GPATCH8: variants seen among roughly 807,000 people sequenced by gnomAD.
The protein encoded by GPATCH8 is G patch domain-containing protein 8.
GPATCH8 carries 18 observed loss-of-function variants against 118.3 expected under a neutral mutation model. That is an observed-to-expected ratio of 0.15 (90% CI 0.11 to 0.23). The LOEUF (loss-of-function observed/expected upper bound fraction) is 0.23. Ranked by LOEUF, GPATCH8 falls within the 10% of genes least tolerant of loss-of-function variation. GPATCH8 has a pLI of 1.00. For missense variants in GPATCH8, 1,631 were observed against 1,873.8 expected (o/e 0.87, Z 2.39); for synonymous variants, 659 against 684.7 (o/e 0.96, Z 0.59).
At chr17:44,422,908 C>T (rs2049962978) in intron 6 of GPATCH8, among the ~76,000 whole-genome samples, 1 of 152,022 alleles carries the variant, frequency 6.6e-6, no homozygotes, top group Admixed American at 6.6e-5. Context: ...GCCAATACAG[C>T]TTGTCTATAT....
intron 1 of GPATCH8, among the ~76,000 whole-genome samples, chr17:44,497,683 T>C (rs1358299285): frequency 2.0e-5 from 3 of 151,700 alleles, no homozygotes; most frequent in Non-Finnish European, 4.4e-5. Context: ...TGCATGCCTG[T>C]AATCCCAGCA....
intron 7 of GPATCH8, among the ~76,000 whole-genome samples, chr17:44,405,119 ATATAT>A (rs911158350): frequency 2.0e-4 from 31 of 152,166 alleles, no homozygotes; most frequent in South Asian, 4.1e-4. Flanking sequence ...TCTGATCGCT[ATATAT>A]TATATGTATT....
rs1265890980 is a variant in GPATCH8 at position 44,396,234 on chromosome 17, T to TC, written c.*1333dup. On this transcript the variant is annotated 3_prime_UTR_variant, in exon 8 of 8. Coordinates refer to ENST00000591680, the MANE Select transcript of GPATCH8 (RefSeq NM_001002909.4). The stretch of plus-strand genomic sequence containing the variant: ...CAAGGTACCCAGGGAAACCCAGGAA[T>TC]CCCCCCAGACAATCACCAAATCTCA... 7 of 454,072 alleles carry TC rather than the reference T, an allele frequency of 1.5e-5. No homozygotes were observed. Among genetic ancestry groups the TC allele is most frequent in the Non-Finnish European group, 2.2e-5 (5 of 226,716 alleles). 28.1% of individuals were successfully genotyped at this position (454,072 alleles called of 1,614,324 possible).
At chr17:44,436,745 G>A (rs1420212962) in intron 3 of GPATCH8, 200 bp from the exon 4 acceptor site, 1 of 534,370 alleles carries the variant, frequency 1.9e-6, no homozygotes, top group Non-Finnish European at 3.3e-6. Context: ...CACCTTGGCT[G>A]ACGTCCAGTT....
chr17:44,426,403 G>A (rs759672769), intron 5 of GPATCH8, among the ~76,000 whole-genome samples: 5 of 152,118 alleles, frequency 3.3e-5, no homozygotes, highest in Non-Finnish European at 5.9e-5. Flanking sequence ...AGGAGTTCAA[G>A]ACCAGCCTGG....
intron 2 of GPATCH8, among the ~76,000 whole-genome samples, chr17:44,467,993 T>C (rs1966935063): frequency 6.6e-6 from 1 of 152,056 alleles, no homozygotes; most frequent in Admixed American, 6.6e-5. Context: ...ATTATTCCAA[T>C]TATTCCAGGA....
At chr17:44,499,552 C>T (rs1969909059) in intron 1 of GPATCH8, among the ~76,000 whole-genome samples, 2 of 152,208 alleles carry the variant, frequency 1.3e-5, no homozygotes, top group Admixed American at 1.3e-4. Context: ...TACTAAAGAA[C>T]ATTTCCTCAC....
intron 1 of GPATCH8, among the ~76,000 whole-genome samples, chr17:44,488,109 GAGA>G (rs1968932582): frequency 6.6e-6 from 1 of 151,336 alleles, no homozygotes; most frequent in Non-Finnish European, 1.5e-5. Context: ...ATTTTCAGTA[GAGA>G]AGGGGTTTCA....
At chr17:44,489,332 C>T (rs1969045040) in intron 1 of GPATCH8, among the ~76,000 whole-genome samples, 1 of 151,408 alleles carries the variant, frequency 6.6e-6, no homozygotes, top group South Asian at 2.1e-4. Flanking sequence ...ATCCTTTTGT[C>T]CCCACCCCCT....
intron 6 of GPATCH8, among the ~76,000 whole-genome samples, chr17:44,406,961 G>A (rs1016830177): frequency 2.0e-5 from 3 of 152,082 alleles, no homozygotes; most frequent in Non-Finnish European, 2.9e-5. Context: ...CAAGACATTA[G>A]ATAATAACAA....
intron 6 of GPATCH8, among the ~76,000 whole-genome samples, chr17:44,410,137 A>C (rs1385152646): frequency 6.6e-6 from 1 of 152,222 alleles, no homozygotes; most frequent in Non-Finnish European, 1.5e-5. Flanking sequence ...TTATAAAGGC[A>C]CAAGGACCTA....
At chr17:44,442,307 G>T (rs2050730692) in intron 3 of GPATCH8, among the ~76,000 whole-genome samples, 1 of 151,086 alleles carries the variant, frequency 6.6e-6, no homozygotes, top group Non-Finnish European at 1.5e-5. Context: ...TGGAACTTCA[G>T]CTGAGAATGA....
chr17:44,426,848 ACTCTCTCTCTCTCTCTCTCT>A lies in GPATCH8; in HGVS notation c.349-2376_349-2357del, dbSNP rs71361571. ...GATCTCTTCAACAACACACACACAC[ACTCTCTCTCTCTCTCTCTCT>A]CTCTCTCTCTCTCACACTCTCTCTC... On this transcript the variant is annotated intron_variant, in intron 5 of 7. Transcript: ENST00000591680. Among the ~76,000 whole-genome samples the A allele has an allele frequency of 3.9e-4, 14 of 35,468 alleles. No homozygotes were observed. In the South Asian group the frequency reaches 8.0e-3, roughly 20 times the overall value. The allele number at this position is 35,468 out of a possible 152,430, so 23.3% of individuals were successfully genotyped here.
chr17:44,497,859 G>C (rs1178061356), intron 1 of GPATCH8, among the ~76,000 whole-genome samples: 1 of 151,930 alleles, frequency 6.6e-6, no homozygotes, highest in Non-Finnish European at 1.5e-5. Flanking sequence ...AGGATTGCTT[G>C]AGCCCAGGAG....
intron 6 of GPATCH8, among the ~76,000 whole-genome samples, chr17:44,417,906 G>A (rs909229450): frequency 1.3e-5 from 2 of 152,168 alleles, no homozygotes; most frequent in Admixed American, 6.5e-5. Flanking sequence ...TTCAAGATAA[G>A]CCAAAGCCTA....
intron 3 of GPATCH8, among the ~76,000 whole-genome samples, chr17:44,438,152 A>G (rs185077988): frequency 3.9e-5 from 6 of 152,310 alleles, no homozygotes; most frequent in Admixed American, 3.3e-4. Flanking sequence ...TCACTTTCAT[A>G]ACGTCTCAGT....
chr17:44,400,390 G>A lies in GPATCH8; in HGVS notation c.1687C>T (p.Pro563Ser). 1 of 1,613,466 alleles carries A rather than the reference G, an allele frequency of 6.2e-7. No individual in the cohort carries two copies. The highest frequency in any genetic ancestry group is 8.5e-7 in the Non-Finnish European group (1 of 1,179,390). The change falls in exon 8 of 8, where the codon CCC becomes TCC. Residue 563 changes from proline (P) to serine (S), a missense_variant. Around this residue, in one of 8 missense-constraint regions of GPATCH8, gnomAD observed 405 missense variants for 462.7 expected, o/e 0.88. Coordinates refer to ENST00000591680, the MANE Select transcript of GPATCH8 (RefSeq NM_001002909.4). Reference protein sequence around the residue: ...SELLIFTKAEPSISYSCNPLY... With the variant: ...SELLIFTKAESSISYSCNPLY... The stretch of plus-strand genomic sequence containing the variant: ...GGGTTACAACTGTATGAAATGGAGG[G>A]TTCTGCCTTGGTGAAAATTAATAGT...
intron 3 of GPATCH8, among the ~76,000 whole-genome samples, chr17:44,441,592 C>T (rs1010008514): frequency 5.3e-5 from 8 of 150,450 alleles, no homozygotes; most frequent in Non-Finnish European, 8.9e-5. Flanking sequence ...GGCGTGGTGG[C>T]GGGCACCTGT....
intron 3 of GPATCH8, among the ~76,000 whole-genome samples, chr17:44,450,670 A>C (rs2051080666): frequency 1.3e-5 from 2 of 152,202 alleles, no homozygotes; most frequent in Non-Finnish European, 2.9e-5. Context: ...GTAAATTTTA[A>C]ATGAACTTTT....
Sources: gnomAD v4.1 joint callset for allele counts (sites outside exome capture counted in the v4.1 genomes callset) on GRCh38, gnomAD v4.1.1 for gene constraint, gnomAD v4.1.1 regional missense constraint, MANE v1.5 for transcripts, NCBI Gene and HGNC (gene_info 2026-07-23, HGNC 2026-07-21) for gene names.